The following FRMD3 variants were observed in gnomAD, a reference collection of about 807,000 sequenced individuals.
The protein encoded by FRMD3 is FERM domain containing 3, also known as FERM domain-containing protein 3.
A neutral mutation model predicts 70.2 loss-of-function variants in FRMD3; 33 were observed. The observed-to-expected ratio is 0.47, with a 90% confidence interval of 0.36 to 0.63. The LOEUF (loss-of-function observed/expected upper bound fraction) is 0.63. FRMD3 is among the 20% of genes least tolerant of loss of function. The probability of loss-of-function intolerance (pLI) is 0.00; values close to 1 mark genes in which losing one functional copy is unlikely to be tolerated. For synonymous variants in FRMD3, 279 were observed against 255.9 expected (o/e 1.09, Z -0.86); for missense variants, 632 against 711.4 (o/e 0.89, Z 1.27).
intron 2 of FRMD3, among the ~76,000 whole-genome samples, chr9:83,375,268 A>G (rs1009951798): frequency 1.3e-5 from 2 of 152,232 alleles, no homozygotes; most frequent in Non-Finnish European, 2.9e-5. Flanking sequence ...GGTATTTGCC[A>G]TCTGTGTCCT....
chr9:83,337,086 G>A (rs1823604793), intron 5 of FRMD3, among the ~76,000 whole-genome samples: 1 of 152,130 alleles, frequency 6.6e-6, no homozygotes, highest in Non-Finnish European at 1.5e-5. Flanking sequence ...GATGCATGTT[G>A]CTTATGTGCT....
intron 10 of FRMD3, among the ~76,000 whole-genome samples, chr9:83,301,948 G>C (rs573748713): frequency 6.6e-6 from 1 of 152,380 alleles, no homozygotes; most frequent in Admixed American, 6.5e-5. Flanking sequence ...CTCAGAGACA[G>C]TTGCCTCAGA....
At chr9:83,392,326 G>C (rs1825688742) in intron 1 of FRMD3, among the ~76,000 whole-genome samples, 1 of 152,090 alleles carries the variant, frequency 6.6e-6, no homozygotes, top group Admixed American at 6.5e-5. Flanking sequence ...GAAATCCGAA[G>C]TCTGTAAGCC....
chr9:83,324,518 G>A (rs1320922288), intron 6 of FRMD3, among the ~76,000 whole-genome samples: 1 of 152,122 alleles, frequency 6.6e-6, no homozygotes, highest in Non-Finnish European at 1.5e-5. Flanking sequence ...ATTTTGTAAT[G>A]ATGAAAAGAC....
chr9:83,391,551 C>T (rs1825665612), intron 1 of FRMD3, among the ~76,000 whole-genome samples: 1 of 152,120 alleles, frequency 6.6e-6, no homozygotes, highest in Non-Finnish European at 1.5e-5. Flanking sequence ...ATTGAGCAGG[C>T]CTTGATTGTT....
chr9:83,562,167 A>G, the FRMD3 span, among the ~76,000 whole-genome samples: 1 of 152,204 alleles, frequency 6.6e-6, no homozygotes. Flanking sequence ...AAAATGGAAG[A>G]ATGACAACTT....
intron 1 of FRMD3, among the ~76,000 whole-genome samples, chr9:83,532,930 G>T (rs1251169815): frequency 6.6e-6 from 1 of 152,192 alleles, no homozygotes; most frequent in East Asian, 1.9e-4. Context: ...GGAGACTATA[G>T]AGACATAGTT....
intron 1 of FRMD3, among the ~76,000 whole-genome samples, chr9:83,536,027 G>A (rs990701579): frequency 3.9e-5 from 6 of 152,112 alleles, no homozygotes; most frequent in African/African-American, 1.4e-4. Context: ...GAGTACTCTA[G>A]GAAAGTGTGA....
rs1834378205 is a variant in FRMD3 at position 83,290,606 on chromosome 9, C to G, written c.1192G>C (p.Glu398Gln). Residue 398 changes from glutamate to glutamine, a missense_variant, in exon 13 of 14, where the codon GAG becomes CAG. Glu to Gln is a conservative substitution (Grantham distance 29). This residue lies in a region of FRMD3 where 418 missense variants were observed against 442.1 expected (regional missense o/e 0.95). Transcript: ENST00000304195. The part of the protein sequence containing the change: ...SEQEEELPLG[E>Q]GVPLPKEENI... The stretch of plus-strand genomic sequence containing the variant: ...TGGGATGAAGAGACAGACTTACCCT[C>G]ACCCAGAGGAAGTTCTTCTTCTTGC... 3.1e-6 allele frequency: 5 copies of G among 1,613,988 alleles called. No homozygotes were observed. The South Asian group carries it at 5.5e-5, about 18-fold the overall frequency.
chr9:83,489,888 C>T (rs1178975876), intron 1 of FRMD3, among the ~76,000 whole-genome samples: 2 of 152,162 alleles, frequency 1.3e-5, no homozygotes, highest in Non-Finnish European at 2.9e-5. Context: ...GGACCTATGA[C>T]TTTTGTTCAG....
intron 13 of FRMD3, among the ~76,000 whole-genome samples, chr9:83,289,817 C>A (rs994153277): frequency 6.6e-6 from 1 of 152,170 alleles, no homozygotes; most frequent in Non-Finnish European, 1.5e-5. Flanking sequence ...TTAATTTAAA[C>A]AAATCTTTGA....
chr9:83,461,991 AT>A (rs1346426043), intron 1 of FRMD3, among the ~76,000 whole-genome samples: 2 of 152,080 alleles, frequency 1.3e-5, no homozygotes, highest in Non-Finnish European at 2.9e-5. Flanking sequence ...CCTGGCAGCA[AT>A]TTCTCAAAGA....
intron 1 of FRMD3, among the ~76,000 whole-genome samples, chr9:83,506,908 C>A (rs1049455310): frequency 2.0e-5 from 3 of 151,826 alleles, no homozygotes; most frequent in African/African-American, 7.3e-5. Context: ...AACTTTTTTT[C>A]TTTTTAAACT....
chr9:83,451,044 C>G (rs1827639171), intron 1 of FRMD3, among the ~76,000 whole-genome samples: 1 of 152,118 alleles, frequency 6.6e-6, no homozygotes, highest in Non-Finnish European at 1.5e-5. Context: ...ACACGAGTTC[C>G]CTAAATCACG....
intron 10 of FRMD3, among the ~76,000 whole-genome samples, chr9:83,301,825 C>T (rs1834939911): frequency 6.6e-6 from 1 of 152,256 alleles, no homozygotes; most frequent in South Asian, 2.1e-4. Context: ...TCAAAAGATA[C>T]ATTTCACAAA....
intron 6 of FRMD3, among the ~76,000 whole-genome samples, chr9:83,315,243 T>C (rs983026102): frequency 1.3e-5 from 2 of 152,186 alleles, no homozygotes; most frequent in Non-Finnish European, 2.9e-5. Flanking sequence ...TCATTTTGTA[T>C]GCTGACTCAG....
downstream of FRMD3, among the ~76,000 whole-genome samples, chr9:83,244,276 A>ATATT (rs1554674791): frequency 6.6e-6 from 1 of 152,170 alleles, no homozygotes; most frequent in African/African-American, 2.4e-5. Flanking sequence ...TGATGATAAC[A>ATATT]TATTAATTTC....
At chr9:83,497,233 TA>T (rs1387412290) in intron 1 of FRMD3, among the ~76,000 whole-genome samples, 1 of 152,230 alleles carries the variant, frequency 6.6e-6, no homozygotes, top group Non-Finnish European at 1.5e-5. Context: ...AGATGTGAAC[TA>T]AAAATTGTTC....
intron 6 of FRMD3, among the ~76,000 whole-genome samples, chr9:83,325,703 T>C (rs1835986569): frequency 6.6e-6 from 1 of 152,220 alleles, no homozygotes; most frequent in Admixed American, 6.5e-5. Flanking sequence ...TCACTCCAGG[T>C]AACTGATACT....
Sources: gnomAD v4.1 joint callset for allele counts (sites outside exome capture counted in the v4.1 genomes callset) on GRCh38, gnomAD v4.1.1 for gene constraint, gnomAD v4.1.1 regional missense constraint, MANE v1.5 for transcripts, NCBI Gene and HGNC (gene_info 2026-07-23, HGNC 2026-07-21) for gene names.